MMD2: variants seen among roughly 807,000 people sequenced by gnomAD.
MMD2 encodes the protein monocyte to macrophage differentiation associated 2.
In MMD2, 30 loss-of-function variants were observed where a neutral mutation model predicts 33.5. The ratio of observed to expected loss-of-function variants is 0.90; its 90% confidence interval spans 0.67 to 1.22. The LOEUF is 1.22. MMD2 is among the 50% of genes most tolerant of loss of function. MMD2 has a pLI of 0.00. For missense variants in MMD2, 364 were observed against 325.4 expected (o/e 1.12, Z -0.91); for synonymous variants, 129 against 123.0 (o/e 1.05, Z -0.32).
chr7:4,909,851 A>T (rs369786621), intron 6 of MMD2, 30 bp downstream of exon 6: 31 of 1,594,916 alleles, frequency 1.9e-5, no homozygotes, highest in Non-Finnish European at 2.5e-5. Context: ...TCTTGCAGGG[A>T]CTCATCTATG....
At chr7:4,901,140 A>T (rs1453315393), downstream of MMD2, among the ~76,000 whole-genome samples, 1 of 73,292 alleles carries the variant, frequency 1.4e-5, no homozygotes, top group Non-Finnish European at 2.6e-5. Flanking sequence ...AACACTATCT[A>T]AAAAAAAAGT....
chr7:4,927,772 A>G (rs908762404), intron 1 of MMD2, among the ~76,000 whole-genome samples: 7 of 152,148 alleles, frequency 4.6e-5, no homozygotes, highest in African/African-American at 1.7e-4. Context: ...TCTTTTTAGA[A>G]TCTTCAAAGC....
chr7:4,949,567 A>C (rs897382916), intron 1 of MMD2, among the ~76,000 whole-genome samples: 9 of 151,654 alleles, frequency 5.9e-5, no homozygotes, highest in African/African-American at 2.2e-4. Flanking sequence ...GCTGGAGTGC[A>C]ATGGTGCAAT....
At chr7:4,900,957 T>G in the MMD2 span, among the ~76,000 whole-genome samples, 1 of 146,510 alleles carries the variant, frequency 6.8e-6, no homozygotes, top group Non-Finnish European at 1.5e-5. Flanking sequence ...CTGACCAACA[T>G]AGTGAAACCC....
chr7:4,941,239 C>G (rs1289512503), intron 1 of MMD2, among the ~76,000 whole-genome samples: 1 of 152,216 alleles, frequency 6.6e-6, no homozygotes, highest in Non-Finnish European at 1.5e-5. Context: ...CCAGAGATTC[C>G]TGTGACATCA....
intron 4 of MMD2, among the ~76,000 whole-genome samples, chr7:4,913,078 T>C (rs1038163271): frequency 6.6e-6 from 1 of 152,132 alleles, no homozygotes; most frequent in African/African-American, 2.4e-5. Flanking sequence ...GAGTCTGTCA[T>C]TATAAAGAAT....
intron 1 of MMD2, among the ~76,000 whole-genome samples, chr7:4,931,576 A>G (rs1785588272): frequency 6.6e-6 from 1 of 150,546 alleles, no homozygotes; most frequent in Admixed American, 6.7e-5. Flanking sequence ...CTTCAGGTGC[A>G]CTCCACCATG....
At chr7:4,932,893 G>A (rs2115125476) in intron 1 of MMD2, among the ~76,000 whole-genome samples, 1 of 152,046 alleles carries the variant, frequency 6.6e-6, no homozygotes, top group South Asian at 2.1e-4. Flanking sequence ...CCAAAGCACT[G>A]GGATTACAGG....
chr7:4,896,278 G>C, the MMD2 span, among the ~76,000 whole-genome samples: 1 of 152,130 alleles, frequency 6.6e-6, no homozygotes, highest in African/African-American at 2.4e-5. Flanking sequence ...TCAGGAGTTT[G>C]AGACCAGCCT....
At chr7:4,942,499 C>G (rs1370004946) in intron 1 of MMD2, among the ~76,000 whole-genome samples, 1 of 151,242 alleles carries the variant, frequency 6.6e-6, no homozygotes, top group Non-Finnish European at 1.5e-5. Context: ...AACTCCTGGC[C>G]TCAAGCTATC....
chr7:4,932,817 G>T (rs931765557), intron 1 of MMD2, among the ~76,000 whole-genome samples: 1 of 151,804 alleles, frequency 6.6e-6, no homozygotes, highest in Non-Finnish European at 1.5e-5. Flanking sequence ...GAAACAGGGG[G>T]TCTCATCATG....
In MMD2 at chr7:4,926,753, C is replaced by CT. The variant is rs369475675; in HGVS notation, c.48-1222dup. Among the ~76,000 whole-genome samples, 573 of 150,538 alleles carry CT rather than the reference C, an allele frequency of 3.8e-3. 5 individuals are homozygous for CT. The highest frequency in any genetic ancestry group is 0.012 in the African/African-American group (503 of 41,050). ...TGGTAGTTTTCTTTTTTTCTTTTTT[C>CT]TTTTTTTTTGAGACGGAGTCGTGCT... On this transcript the variant is annotated intron_variant, in intron 1 of 6. Transcript: ENST00000401401.
the MMD2 span, among the ~76,000 whole-genome samples, chr7:4,899,615 C>G: frequency 9.2e-5 from 14 of 152,010 alleles, no homozygotes; most frequent in Non-Finnish European, 1.5e-4. Context: ...AGGCTGGTCT[C>G]GAACGCCTGA....
intron 6 of MMD2, among the ~76,000 whole-genome samples, chr7:4,907,818 T>G (rs1285886502): frequency 6.6e-6 from 1 of 152,152 alleles, no homozygotes; most frequent in Non-Finnish European, 1.5e-5. Flanking sequence ...CACCAATTTT[T>G]TTTCTTTTGA....
At chr7:4,951,890 A>G (rs1786253871) in intron 1 of MMD2, among the ~76,000 whole-genome samples, 1 of 152,138 alleles carries the variant, frequency 6.6e-6, no homozygotes, top group African/African-American at 2.4e-5. Flanking sequence ...ACGTGCTACC[A>G]TGCCCAGCTA....
chr7:4,930,265 C>A (rs1341971350), intron 1 of MMD2, among the ~76,000 whole-genome samples: 4 of 129,374 alleles, frequency 3.1e-5, no homozygotes, highest in Non-Finnish European at 6.3e-5. Context: ...GAACAAGACT[C>A]CATCTCAAAA....
chr7:4,936,613 GA>G (rs1219727517), intron 1 of MMD2, among the ~76,000 whole-genome samples: 1 of 152,052 alleles, frequency 6.6e-6, no homozygotes, highest in African/African-American at 2.4e-5. Context: ...GGCTGGTTTT[GA>G]ACTCATGGGC....
chr7:4,931,312 A>ATTTATT (rs139454991), intron 1 of MMD2, among the ~76,000 whole-genome samples: 4 of 150,576 alleles, frequency 2.7e-5, no homozygotes, highest in Admixed American at 6.6e-5. Flanking sequence ...CACCCGGCTA[A>ATTTATT]TTTATTTTTA....
intron 1 of MMD2, among the ~76,000 whole-genome samples, chr7:4,936,307 T>C (rs1321359058): frequency 6.6e-6 from 1 of 152,048 alleles, no homozygotes; most frequent in Non-Finnish European, 1.5e-5. Flanking sequence ...ATTTCATTAG[T>C]GTAAAACACA....
Sources: gnomAD v4.1 joint callset for allele counts (sites outside exome capture counted in the v4.1 genomes callset) on GRCh38, gnomAD v4.1.1 for gene constraint, MANE v1.5 for transcripts, NCBI Gene and HGNC (gene_info 2026-07-23, HGNC 2026-07-21) for gene names.